The following FARP1 variants were observed in gnomAD, a reference collection of about 807,000 sequenced individuals.
FARP1 encodes FERM, ARH/RhoGEF and pleckstrin domain protein 1, also known as FERM, ARHGEF and pleckstrin domain-containing protein 1.
In FARP1, 52 loss-of-function variants were observed where a neutral mutation model predicts 128.8. The observed-to-expected ratio is 0.40, with a 90% CI of 0.32 to 0.51. FARP1 has a LOEUF of 0.51. Among genes scored for constraint, FARP1 ranks in the 20% least tolerant of loss-of-function variants. The probability of loss-of-function intolerance (pLI) is 0.45; values close to 1 mark genes in which losing one functional copy is unlikely to be tolerated. For missense variants in FARP1, 1,333 were observed against 1,367.9 expected, an observed-to-expected ratio of 0.97 and a Z score of 0.40; for synonymous variants, 580 against 551.8, an observed-to-expected ratio of 1.05 and a Z score of -0.72.
At chr13:98,294,846 G>A (rs1885590803) in intron 2 of FARP1, among the ~76,000 whole-genome samples, 1 of 151,782 alleles carries the variant, frequency 6.6e-6, no homozygotes, top group African/African-American at 2.4e-5. Flanking sequence ...ATGAAACCCC[G>A]TCTCTACTAA....
At chr13:98,209,182 G>A (rs1281319132) in intron 1 of FARP1, among the ~76,000 whole-genome samples, 4 of 151,964 alleles carry the variant, frequency 2.6e-5, no homozygotes, top group African/African-American at 7.2e-5. Context: ...CTAATTTTTT[G>A]TATTTTTAGT....
intron 1 of FARP1, among the ~76,000 whole-genome samples, chr13:98,170,805 TAGA>T (rs996087469): frequency 2.0e-5 from 3 of 151,034 alleles, no homozygotes; most frequent in Non-Finnish European, 4.4e-5. Flanking sequence ...TACATGTTTT[TAGA>T]AGGTTTTTTT....
intron 1 of FARP1, among the ~76,000 whole-genome samples, chr13:98,153,405 T>C (rs1371473229): frequency 1.2e-5 from 1 of 85,108 alleles, no homozygotes; most frequent in Non-Finnish European, 2.9e-5. Flanking sequence ...ACATTATATA[T>C]AAATATGTAT....
chr13:98,228,579 AC>A (rs1881927743), intron 2 of FARP1, among the ~76,000 whole-genome samples: 1 of 152,210 alleles, frequency 6.6e-6, no homozygotes. Flanking sequence ...ATCGTTAGTT[AC>A]CATTTTATGG....
chr13:98,368,009 G>C (rs1449928497), intron 4 of FARP1, 108 bp from the exon 5 acceptor site: 4 of 816,166 alleles, frequency 4.9e-6, no homozygotes. Flanking sequence ...ATGTGCACTT[G>C]GCAGCTTGGA....
chr13:98,373,045 C>T (rs140012558), intron 5 of FARP1, among the ~76,000 whole-genome samples: 142 of 152,316 alleles, frequency 9.3e-4, no homozygotes, highest in Non-Finnish European at 1.6e-3. Flanking sequence ...CAGGAAGCTA[C>T]TTCTCATGTT....
intron 3 of FARP1, among the ~76,000 whole-genome samples, chr13:98,359,144 C>T (rs1407491371): frequency 2.6e-5 from 4 of 152,102 alleles, no homozygotes; most frequent in South Asian, 2.1e-4. Flanking sequence ...GCATATTAGT[C>T]TTGGATTCAG....
At chr13:98,303,836 A>C (rs2892911) in intron 2 of FARP1, among the ~76,000 whole-genome samples, 3,357 of 152,312 alleles carry the variant, frequency 0.022, 115 homozygotes, top group African/African-American at 0.076. Flanking sequence ...GATTCTGCAA[A>C]GAAAAACAGA....
intron 18 of FARP1, 134 bp downstream of exon 18, chr13:98,431,414 G>A: frequency 1.7e-6 from 1 of 588,196 alleles, no homozygotes; most frequent in Non-Finnish European, 3.0e-6. Context: ...TTTTCATCAG[G>A]GTGGGCGCCG....
intron 13 of FARP1, chr13:98,396,762 G>A (rs1182127784): frequency 3.0e-6 from 1 of 334,708 alleles, no homozygotes; most frequent in Non-Finnish European, 5.4e-6. Context: ...TATTTTGCTG[G>A]TTGAAGGCTA....
intron 2 of FARP1, among the ~76,000 whole-genome samples, chr13:98,243,640 T>A (rs1882902724): frequency 7.1e-6 from 1 of 140,736 alleles, no homozygotes; most frequent in South Asian, 2.2e-4. Flanking sequence ...GAGGTTGCAG[T>A]GAGCCTAGAT....
intron 2 of FARP1, among the ~76,000 whole-genome samples, chr13:98,275,345 G>GAGAA (rs1307114191): frequency 6.7e-5 from 9 of 134,864 alleles, no homozygotes; most frequent in Non-Finnish European, 1.4e-4. Context: ...AGGAGAGAGA[G>GAGAA]AGAGAGAGAG....
At position 98,176,806 on chromosome 13, in the gene FARP1, T is replaced by C. The variant is rs1176631239; in HGVS notation, c.-24+33314T>C. 2 of 1,613,206 alleles carry C rather than the reference T, an allele frequency of 1.2e-6. No homozygotes were observed. The highest frequency in any genetic ancestry group is 2.2e-5 in the East Asian group (1 of 44,776). ...GCTGTGGATTCCCCGGTAGATGTGG[T>C]CGTGCTCCCGACCCCGCAGTGCCTC... is the stretch of plus-strand genomic sequence containing the variant. On this transcript the variant is annotated intron_variant, in intron 1 of 26. Coordinates refer to ENST00000319562, the MANE Select transcript of FARP1 (RefSeq NM_005766.4). The surrounding 1 kb of genome is among the most constrained non-coding windows in gnomAD (Gnocchi z 6.2).
At chr13:98,361,462 G>A (rs1888869558) in intron 3 of FARP1, among the ~76,000 whole-genome samples, 2 of 152,344 alleles carry the variant, frequency 1.3e-5, no homozygotes, top group South Asian at 4.1e-4. Flanking sequence ...CAACTGCACT[G>A]CCAAAGTGTC....
At chr13:98,195,464 A>G (rs1030227220) in intron 1 of FARP1, among the ~76,000 whole-genome samples, 1 of 152,076 alleles carries the variant, frequency 6.6e-6, no homozygotes, top group African/African-American at 2.4e-5. Context: ...GCAGTTTTAA[A>G]CTATATTTAT....
intron 1 of FARP1, among the ~76,000 whole-genome samples, chr13:98,154,235 C>T (rs1459574248): frequency 6.6e-6 from 1 of 152,180 alleles, no homozygotes; most frequent in East Asian, 1.9e-4. Flanking sequence ...CTGCTATAAA[C>T]TCTCACATAC....
intron 10 of FARP1, chr13:98,390,574 TC>T: frequency 2.0e-6 from 1 of 498,036 alleles, no homozygotes. Context: ...AACACAGTTA[TC>T]AAGTGGGCTT....
At chr13:98,393,519 G>A (rs1203263867) in intron 11 of FARP1, 124 bp from the exon 12 acceptor site, 11 of 714,570 alleles carry the variant, frequency 1.5e-5, no homozygotes, top group Non-Finnish European at 2.7e-5. Context: ...GGCGGCTCTG[G>A]GTACCATCAT....
intron 5 of FARP1, among the ~76,000 whole-genome samples, chr13:98,377,377 A>T (rs1337455109): frequency 2.7e-5 from 1 of 37,386 alleles, no homozygotes; most frequent in African/African-American, 1.0e-4. Context: ...TACACCACAA[A>T]AAAAAAAAAA....
Sources: gnomAD v4.1 joint callset for allele counts (sites outside exome capture counted in the v4.1 genomes callset) on GRCh38, gnomAD v4.1.1 for gene constraint, Gnocchi (gnomAD v3.1) non-coding constraint, MANE v1.5 for transcripts, NCBI Gene and HGNC (gene_info 2026-07-23, HGNC 2026-07-21) for gene names.